The following ROBO2 variants were observed in gnomAD, a reference collection of about 807,000 sequenced individuals.
ROBO2 encodes roundabout guidance receptor 2.
Under a neutral mutation model 160.8 loss-of-function variants are expected in ROBO2, and 53 were observed. The observed-to-expected ratio is 0.33, with a 90% CI of 0.26 to 0.41. ROBO2 has a LOEUF of 0.41. ROBO2 is among the 10% of genes least tolerant of loss of function. The pLI, the probability that ROBO2 is intolerant of heterozygous loss-of-function variation, is 1.00. For synonymous variants in ROBO2, 664 were observed against 611.7 expected, an observed-to-expected ratio of 1.09 and a Z score of -1.26; for missense variants, 1,577 against 1,722.4, an observed-to-expected ratio of 0.92 and a Z score of 1.49.
intron 2 of ROBO2, among the ~76,000 whole-genome samples, chr3:77,026,885 T>C (rs2063002369): frequency 6.6e-6 from 1 of 152,200 alleles, no homozygotes; most frequent in Non-Finnish European, 1.5e-5. Context: ...AGAAGACCAA[T>C]CTACAAATAG....
intron 2 of ROBO2, among the ~76,000 whole-genome samples, chr3:76,439,669 A>T (rs142932322): frequency 0.011 from 1,725 of 152,328 alleles, 18 homozygotes; most frequent in South Asian, 0.046. Flanking sequence ...TGCAGATGTG[A>T]GATATTCTAC....
intron 2 of ROBO2, among the ~76,000 whole-genome samples, chr3:77,184,969 C>T (rs1364165713): frequency 2.0e-5 from 3 of 151,880 alleles, no homozygotes; most frequent in Non-Finnish European, 2.9e-5. Flanking sequence ...TTGATGAATT[C>T]GTTGTAATTT....
At chr3:77,368,247 A>G (rs1328396758) in intron 2 of ROBO2, among the ~76,000 whole-genome samples, 1 of 82,776 alleles carries the variant, frequency 1.2e-5, no homozygotes, top group Non-Finnish European at 2.5e-5. Context: ...TGGGGGTCAA[A>G]TACATTCATT....
At chr3:76,460,277 T>C (rs944821661) in intron 2 of ROBO2, among the ~76,000 whole-genome samples, 5 of 151,856 alleles carry the variant, frequency 3.3e-5, no homozygotes, top group Admixed American at 6.6e-5. Context: ...TAGTGAAATA[T>C]TAGAAAACAT....
chr3:77,086,160 T>C (rs971637478), intron 1 of ROBO2, among the ~76,000 whole-genome samples: 3 of 152,056 alleles, frequency 2.0e-5, no homozygotes, highest in African/African-American at 7.2e-5. Flanking sequence ...ATCTTATAGA[T>C]CGTGGTTCAT....
At chr3:76,042,855 C>G (rs772835042) in intron 2 of ROBO2, among the ~76,000 whole-genome samples, 3 of 152,038 alleles carry the variant, frequency 2.0e-5, no homozygotes, top group Non-Finnish European at 4.4e-5. Context: ...TTGCTCAAAT[C>G]AATCACGACC....
At chr3:77,389,767 A>C (rs968824011) in intron 2 of ROBO2, among the ~76,000 whole-genome samples, 6 of 151,704 alleles carry the variant, frequency 4.0e-5, no homozygotes, top group Non-Finnish European at 5.9e-5. Context: ...TTTTAAAAAA[A>C]AGAACTATTT....
chr3:76,280,888 T>A (rs1576242468), intron 2 of ROBO2, among the ~76,000 whole-genome samples: 1 of 151,984 alleles, frequency 6.6e-6, no homozygotes, highest in East Asian at 1.9e-4. Context: ...GTGAAGGTTC[T>A]TTAATAGCAT....
intron 2 of ROBO2, among the ~76,000 whole-genome samples, chr3:76,007,287 T>C (rs1472099099): frequency 6.6e-6 from 1 of 152,150 alleles, no homozygotes; most frequent in Admixed American, 6.5e-5. Context: ...GATTATGCAT[T>C]TTTCTTTTAG....
At chr3:76,716,979 T>G (rs2093390115) in intron 2 of ROBO2, among the ~76,000 whole-genome samples, 1 of 152,214 alleles carries the variant, frequency 6.6e-6, no homozygotes. Flanking sequence ...CACATTTCTA[T>G]TAGTATTCAT....
At chr3:76,141,153 CTCTCTCTATA>C (rs1426548076) in intron 2 of ROBO2, among the ~76,000 whole-genome samples, 392 of 34,558 alleles carry the variant, frequency 0.011, 2 homozygotes, top group Non-Finnish European at 0.016. Flanking sequence ...CTCTCTCTCT[CTCTCTCTATA>C]TATATATATA....
chr3:76,009,193 C>G (rs993405484), intron 2 of ROBO2, among the ~76,000 whole-genome samples: 1 of 152,182 alleles, frequency 6.6e-6, no homozygotes, highest in African/African-American at 2.4e-5. Context: ...AGCTCCGCCT[C>G]CCGGGTTCCC....
At chr3:75,912,189 T>C (rs1312972506) in intron 1 of ROBO2, among the ~76,000 whole-genome samples, 1 of 152,110 alleles carries the variant, frequency 6.6e-6, no homozygotes, top group Admixed American at 6.5e-5. Flanking sequence ...GAGAGAAGAG[T>C]GCTAGATCAC....
intron 2 of ROBO2, among the ~76,000 whole-genome samples, chr3:76,997,749 A>T (rs2061102377): frequency 6.6e-6 from 1 of 152,188 alleles, no homozygotes; most frequent in Admixed American, 6.5e-5. Context: ...CTGCATAAGT[A>T]TTGACAACAA....
At chr3:77,181,807 TTTTA>T (rs2080812563) in intron 2 of ROBO2, among the ~76,000 whole-genome samples, 1 of 152,110 alleles carries the variant, frequency 6.6e-6, no homozygotes, top group South Asian at 2.1e-4. Context: ...AGTGAAAATA[TTTTA>T]AAATGCGAAG....
At chr3:76,876,229 A>G (rs2072702275) in intron 2 of ROBO2, among the ~76,000 whole-genome samples, 1 of 152,244 alleles carries the variant, frequency 6.6e-6, no homozygotes, top group Non-Finnish European at 1.5e-5. Context: ...CTGTTCAAGT[A>G]TTAACTCATC....
At chr3:76,554,184 T>C (rs1347550874) in intron 2 of ROBO2, among the ~76,000 whole-genome samples, 1 of 152,218 alleles carries the variant, frequency 6.6e-6, no homozygotes, top group African/African-American at 2.4e-5. Context: ...GAGCTACATC[T>C]ATGGACATAA....
intron 2 of ROBO2, among the ~76,000 whole-genome samples, chr3:77,474,214 T>C (rs2083703147): frequency 6.6e-6 from 1 of 152,156 alleles, no homozygotes. Flanking sequence ...CGCCTAAAAA[T>C]TATCTATACT....
intron 2 of ROBO2, among the ~76,000 whole-genome samples, chr3:76,768,741 G>A (rs747246015): frequency 6.6e-6 from 1 of 150,922 alleles, no homozygotes; most frequent in Non-Finnish European, 1.5e-5. Context: ...ATTCTAGATA[G>A]TTTTTAAGTG....
Sources: allele counts gnomAD v4.1 joint callset (sites outside exome capture counted in the v4.1 genomes callset), GRCh38; gene constraint gnomAD v4.1.1; transcripts MANE v1.5; gene names NCBI Gene and HGNC (gene_info 2026-07-23, HGNC 2026-07-21).